Variants in RBFOX1 observed in about 807,000 individuals in gnomAD.
RBFOX1 encodes RNA binding protein fox-1 homolog 1.
Under a neutral mutation model 57.7 loss-of-function variants are expected in RBFOX1, and 8 were observed. That is an observed-to-expected ratio of 0.14 (90% CI 0.08 to 0.25). RBFOX1 has a LOEUF of 0.25. Ranked by LOEUF, RBFOX1 falls within the 10% of genes least tolerant of loss-of-function variation. The pLI, the probability that RBFOX1 is intolerant of heterozygous loss-of-function variation, is 1.00. For missense variants in RBFOX1, 611 were observed against 548.5 expected (o/e 1.11, Z -1.14); for synonymous variants, 326 against 222.4 (o/e 1.47, Z -4.15).
At position 5,637,752 on chromosome 16, in the gene RBFOX1, A is replaced by G. The variant is rs116046198; in HGVS notation, c.318+38791A>G. ...GAGATGTGTATATCCAGGCAACAGG[A>G]AGAGAGAGCTCACATTCCCATGCTG... On this transcript the variant is annotated intron_variant, in intron 3 of 19. Coordinates refer to the RBFOX1 transcript ENST00000641259. Among the ~76,000 whole-genome samples the G allele has an allele frequency of 7.4e-3, 1,120 of 152,246 alleles. 21 individuals carry two copies. The highest frequency in any genetic ancestry group is 0.026 in the African/African-American group (1,086 of 41,546).
chr16:7,159,259 T>C (rs1324650415), intron 4 of RBFOX1, among the ~76,000 whole-genome samples: 1 of 151,088 alleles, frequency 6.6e-6, no homozygotes, highest in African/African-American at 2.4e-5. Flanking sequence ...GAATCTTTTT[T>C]CAGTAGACAC....
intron 3 of RBFOX1, among the ~76,000 whole-genome samples, chr16:5,820,152 A>G (rs1246300475): frequency 6.6e-6 from 1 of 152,170 alleles, no homozygotes; most frequent in East Asian, 1.9e-4. Context: ...TGTCATTCCC[A>G]TTTTATAGAT....
At chr16:6,196,673 G>T (rs1182787131) in intron 1 of RBFOX1, among the ~76,000 whole-genome samples, 1 of 151,964 alleles carries the variant, frequency 6.6e-6, no homozygotes, top group African/African-American at 2.4e-5. Flanking sequence ...TCCTGATGCT[G>T]TCAGCTTGTT....
rs528273523 is a variant in RBFOX1 at position 6,361,919 on chromosome 16, C to T, written c.-64+44862C>T. Among the ~76,000 whole-genome samples, 7 of 151,870 alleles carry T rather than the reference C, an allele frequency of 4.6e-5. No individual in the cohort carries two copies. In the East Asian group the frequency reaches 9.7e-4, roughly 21 times the overall value. The stretch of plus-strand genomic sequence containing the variant: ...CCGTTTTTGTTTTTTTTCACTCATT[C>T]ATTCAACAAACACTTCTCATGAAGT... On this transcript the variant is annotated intron_variant, in intron 2 of 15. Coordinates refer to ENST00000550418, the MANE Select transcript of RBFOX1 (RefSeq NM_018723.4).
intron 14 of RBFOX1, among the ~76,000 whole-genome samples, chr16:7,707,898 C>G (rs2083010877): frequency 6.6e-6 from 1 of 152,178 alleles, no homozygotes. Context: ...GCACAGGAAT[C>G]TATTCCAGTA....
chr16:6,800,256 C>T (rs984451934), intron 3 of RBFOX1, among the ~76,000 whole-genome samples: 4 of 146,032 alleles, frequency 2.7e-5, no homozygotes, highest in Non-Finnish European at 4.4e-5. Context: ...CCAGTTTTAG[C>T]ACTCAGCATT....
intron 2 of RBFOX1, among the ~76,000 whole-genome samples, chr16:6,367,254 G>GTTTGTTTTGT (rs138296322): frequency 1.9e-3 from 278 of 150,098 alleles, no homozygotes; most frequent in South Asian, 4.7e-3. Flanking sequence ...TTCTTTGTTT[G>GTTTGTTTTGT]TTTGTTTTGT....
intron 3 of RBFOX1, among the ~76,000 whole-genome samples, chr16:7,037,712 C>G (rs1364977572): frequency 1.3e-5 from 2 of 152,098 alleles, no homozygotes; most frequent in African/African-American, 4.8e-5. Context: ...ATGGGTAGAC[C>G]CAGGCAAGGA....
At chr16:6,720,687 G>A (rs944422925) in intron 3 of RBFOX1, among the ~76,000 whole-genome samples, 3 of 152,204 alleles carry the variant, frequency 2.0e-5, no homozygotes, top group African/African-American at 7.2e-5. Context: ...GGAAGAGCTA[G>A]AGAGACCAGG....
intron 4 of RBFOX1, among the ~76,000 whole-genome samples, chr16:5,940,398 C>T (rs1246372764): frequency 6.6e-6 from 1 of 152,128 alleles, no homozygotes; most frequent in Non-Finnish European, 1.5e-5. Context: ...CTCCTATTAG[C>T]CCTGTGTGGT....
chr16:7,189,626 G>A (rs1457565049), intron 4 of RBFOX1, among the ~76,000 whole-genome samples: 1 of 150,112 alleles, frequency 6.7e-6, no homozygotes, highest in Non-Finnish European at 1.5e-5. Flanking sequence ...ACTCTATGCA[G>A]CATAATTATC....
intron 3 of RBFOX1, among the ~76,000 whole-genome samples, chr16:7,046,551 T>G (rs533606923): frequency 1.2e-4 from 18 of 150,612 alleles, no homozygotes; most frequent in Admixed American, 7.3e-4. Context: ...TGGGAGATAA[T>G]AAAGTTTATC....
At chr16:7,640,671 C>T (rs1371805544) in intron 11 of RBFOX1, among the ~76,000 whole-genome samples, 1 of 152,156 alleles carries the variant, frequency 6.6e-6, no homozygotes, top group African/African-American at 2.4e-5. Context: ...CTGGAAACCC[C>T]AAGTCCTGTG....
At chr16:6,532,170 A>G (rs1420055) in intron 2 of RBFOX1, among the ~76,000 whole-genome samples, 1 of 152,118 alleles carries the variant, frequency 6.6e-6, no homozygotes, top group Non-Finnish European at 1.5e-5. Context: ...TAAGATGTCA[A>G]AGAAAGTTCC....
At chr16:6,375,001 A>G (rs897207337) in intron 2 of RBFOX1, among the ~76,000 whole-genome samples, 1 of 151,888 alleles carries the variant, frequency 6.6e-6, no homozygotes, top group East Asian at 1.9e-4. Context: ...ACACTGAGCT[A>G]TTGCTGCATT....
At chr16:7,268,503 C>T (rs955484227) in intron 4 of RBFOX1, among the ~76,000 whole-genome samples, 2 of 152,180 alleles carry the variant, frequency 1.3e-5, no homozygotes, top group Non-Finnish European at 2.9e-5. Context: ...TCCAAAGATG[C>T]TCTGCGGTAA....
chr16:7,456,460 A>C (rs2058530781), intron 4 of RBFOX1, among the ~76,000 whole-genome samples: 1 of 152,222 alleles, frequency 6.6e-6, no homozygotes, highest in Non-Finnish European at 1.5e-5. Flanking sequence ...CTGTAAACAC[A>C]AGACAGGACG....
chr16:5,618,110 A>C (rs530223356), intron 3 of RBFOX1, among the ~76,000 whole-genome samples: 8 of 152,292 alleles, frequency 5.3e-5, no homozygotes, highest in Admixed American at 3.9e-4. Context: ...TCATGATGTA[A>C]AGTATTTTTA....
intron 4 of RBFOX1, among the ~76,000 whole-genome samples, chr16:7,220,400 G>C (rs2092633811): frequency 6.6e-6 from 1 of 152,120 alleles, no homozygotes; most frequent in Admixed American, 6.5e-5. Flanking sequence ...GCTCAAAGAA[G>C]GTGCAATGCA....
Sources: gnomAD v4.1 joint callset for allele counts (sites outside exome capture counted in the v4.1 genomes callset) on GRCh38, gnomAD v4.1.1 for gene constraint, MANE v1.5 for transcripts, NCBI Gene and HGNC (gene_info 2026-07-23, HGNC 2026-07-21) for gene names.